Variants in PPFIBP1 observed in about 807,000 individuals in gnomAD.
PPFIBP1 encodes the protein PPFIB scaffold protein 1.
A neutral mutation model predicts 137.8 loss-of-function variants in PPFIBP1; 112 were observed. The observed-to-expected ratio is 0.81, with a 90% CI of 0.70 to 0.95. The LOEUF (loss-of-function observed/expected upper bound fraction) is 0.95, where lower values mean the gene tolerates loss of function less well. Ranked by LOEUF, PPFIBP1 falls within the 40% of genes least tolerant of loss-of-function variation. PPFIBP1 has a pLI of 0.00. For missense variants in PPFIBP1, 1,083 were observed against 1,196.6 expected (o/e 0.91, Z 1.40); for synonymous variants, 378 against 417.3 (o/e 0.91, Z 1.15).
At chr12:27,691,447 C>T (rs898076322) in intron 27 of PPFIBP1, among the ~76,000 whole-genome samples, 3 of 152,000 alleles carry the variant, frequency 2.0e-5, no homozygotes, top group Non-Finnish European at 4.4e-5. Context: ...ATTATTCTTG[C>T]CATATTTTGT....
rs746854682 is a variant in PPFIBP1 at position 27,682,602 on chromosome 12, C to T, written c.2159-13C>T. 2 of 1,614,024 alleles carry T rather than the reference C, an allele frequency of 1.2e-6. No homozygotes were observed. Among genetic ancestry groups the T allele is most frequent in the East Asian group, 4.5e-5 (2 of 44,886 alleles). ...TTTGTGGCATGGTAGCAACACTGGC[C>T]TCTCTCTTTTAGGATGGTTGGATGA... On this transcript the variant is annotated splice_polypyrimidine_tract_variant and intron_variant, in intron 23 of 29. Coordinates refer to ENST00000228425, the MANE Select transcript of PPFIBP1 (RefSeq NM_003622.4).
intron 1 of PPFIBP1, among the ~76,000 whole-genome samples, chr12:27,553,874 T>C (rs569583451): frequency 1.2e-4 from 18 of 152,352 alleles, no homozygotes; most frequent in African/African-American, 4.1e-4. Context: ...ATTGAGTAAA[T>C]AGATGCTTTC....
intron 8 of PPFIBP1, 126 bp from the exon 9 acceptor site, chr12:27,656,490 C>A: frequency 3.0e-6 from 2 of 658,188 alleles, no homozygotes; most frequent in Non-Finnish European, 5.5e-6. Context: ...CTGATGCTTG[C>A]ATCTAAATTC....
At chr12:27,683,627 T>A (rs1305921176) in intron 24 of PPFIBP1, among the ~76,000 whole-genome samples, 1 of 152,194 alleles carries the variant, frequency 6.6e-6, no homozygotes, top group African/African-American at 2.4e-5. Context: ...GTTCCTTCAT[T>A]ATTGTACATT....
chr12:27,647,048 C>T (rs557491898), intron 5 of PPFIBP1, among the ~76,000 whole-genome samples: 78 of 152,324 alleles, frequency 5.1e-4, no homozygotes, highest in African/African-American at 1.6e-3. Context: ...GTTGCCGAGA[C>T]GGGAGTGCAG....
chr12:27,541,083 A>G (rs1945601962), intron 1 of PPFIBP1, among the ~76,000 whole-genome samples: 2 of 152,104 alleles, frequency 1.3e-5, no homozygotes, highest in African/African-American at 4.8e-5. Flanking sequence ...CTCTGTCTAT[A>G]CTAAAATGAA....
At chr12:27,651,699 G>A (rs1470856143) in intron 7 of PPFIBP1, among the ~76,000 whole-genome samples, 2 of 152,146 alleles carry the variant, frequency 1.3e-5, no homozygotes, top group Non-Finnish European at 2.9e-5. Flanking sequence ...GATAGAGGTG[G>A]TCTTCTACAT....
intron 18 of PPFIBP1, 200 bp downstream of exon 18, chr12:27,676,799 C>T: frequency 1.4e-6 from 1 of 692,590 alleles, no homozygotes; most frequent in South Asian, 1.8e-5. Context: ...TCACCCTGCT[C>T]TCTCCTGTGG....
At chr12:27,640,040 A>C (rs2058002741) in intron 4 of PPFIBP1, among the ~76,000 whole-genome samples, 1 of 152,238 alleles carries the variant, frequency 6.6e-6, no homozygotes, top group Non-Finnish European at 1.5e-5. Context: ...GATCACAATT[A>C]TCTGAGTTAT....
intron 12 of PPFIBP1, among the ~76,000 whole-genome samples, chr12:27,664,993 G>A (rs2059775350): frequency 6.6e-6 from 1 of 152,178 alleles, no homozygotes; most frequent in South Asian, 2.1e-4. Flanking sequence ...TTAGAGACCA[G>A]CCTGACCAAC....
intron 1 of PPFIBP1, among the ~76,000 whole-genome samples, chr12:27,530,615 C>T (rs1284469887): frequency 6.6e-6 from 1 of 152,138 alleles, no homozygotes; most frequent in African/African-American, 2.4e-5. Context: ...ATATCCATTC[C>T]CCCCTCCTTT....
chr12:27,672,349 G>T, intron 14 of PPFIBP1, 78 bp from the exon 15 acceptor site: 7 of 1,175,204 alleles, frequency 6.0e-6, no homozygotes, highest in South Asian at 4.3e-5. Context: ...TTTTGTTTTT[G>T]ACTTATCTGT....
chr12:27,573,688 G>C (rs1255462794), intron 1 of PPFIBP1, among the ~76,000 whole-genome samples: 2 of 152,186 alleles, frequency 1.3e-5, no homozygotes, highest in Non-Finnish European at 2.9e-5. Context: ...TGATTAAAAA[G>C]AAGGTTAAAA....
intron 2 of PPFIBP1, among the ~76,000 whole-genome samples, chr12:27,611,391 C>T (rs918937937): frequency 6.6e-6 from 1 of 152,104 alleles, no homozygotes; most frequent in African/African-American, 2.4e-5. Context: ...ATTTTGGGCA[C>T]ATATTTCTGT....
At chr12:27,541,755 C>A (rs920490421) in intron 1 of PPFIBP1, among the ~76,000 whole-genome samples, 17 of 152,220 alleles carry the variant, frequency 1.1e-4, no homozygotes, top group African/African-American at 2.2e-4. Context: ...TCACCTCAAC[C>A]TTATGAGCTT....
rs1565949103 is a variant in PPFIBP1 at position 27,654,815 on chromosome 12, G to T, written c.696+1G>T. On this transcript the variant is annotated splice_donor_variant, in intron 8 of 29. Transcript: ENST00000228425. LOFTEE classifies it high-confidence loss of function. ...TGAAAAAAAGCTTAAATCAACCAAA[G>T]TAAGTTTTTCTCACAGGTTAACATT... 1.9e-6 allele frequency: 3 copies of T among 1,611,428 alleles called. No homozygotes were observed. Among genetic ancestry groups the T allele is most frequent in the Non-Finnish European group, 2.5e-6 (3 of 1,179,042 alleles).
At chr12:27,568,670 G>C (rs1276303875) in intron 1 of PPFIBP1, among the ~76,000 whole-genome samples, 2 of 152,190 alleles carry the variant, frequency 1.3e-5, no homozygotes, top group Non-Finnish European at 2.9e-5. Flanking sequence ...CCGTCTTCTA[G>C]AAACTTCCTT....
At chr12:27,637,942 T>G (rs1182986998) in intron 4 of PPFIBP1, among the ~76,000 whole-genome samples, 1 of 152,184 alleles carries the variant, frequency 6.6e-6, no homozygotes, top group East Asian at 1.9e-4. Context: ...ACATTTTAGC[T>G]CGGATCCTTC....
intron 12 of PPFIBP1, among the ~76,000 whole-genome samples, chr12:27,666,529 C>T (rs967631516): frequency 5.3e-5 from 8 of 152,090 alleles, no homozygotes; most frequent in South Asian, 4.1e-4. Context: ...TCTGGCACTG[C>T]GCTGTTCACC....
Sources: allele counts gnomAD v4.1 joint callset (sites outside exome capture counted in the v4.1 genomes callset), GRCh38; gene constraint gnomAD v4.1.1; transcripts MANE v1.5; gene names NCBI Gene and HGNC (gene_info 2026-07-23, HGNC 2026-07-21).